The following RPS6KA6 variants were observed in gnomAD, a reference collection of about 807,000 sequenced individuals.
The protein encoded by RPS6KA6 is ribosomal protein S6 kinase A6, also known as ribosomal protein S6 kinase alpha-6.
Under a neutral mutation model 65.4 loss-of-function variants are expected in RPS6KA6, and 27 were observed. That is an observed-to-expected ratio of 0.41 (90% confidence interval 0.30 to 0.57). The LOEUF (loss-of-function observed/expected upper bound fraction) is 0.57. RPS6KA6 is among the 20% of genes least tolerant of loss of function. RPS6KA6 has a pLI of 0.24. For synonymous variants in RPS6KA6, 190 were observed against 184.2 expected (o/e 1.03, Z -0.26); for missense variants, 486 against 555.6 (o/e 0.87, Z 1.26).
chrX:84,107,767 T>C, intron 12 of RPS6KA6, 42 bp from the exon 13 acceptor site: 1 of 679,791 alleles, frequency 1.5e-6, no homozygotes, highest in Non-Finnish European at 2.3e-6. Context: ...ATTAAGACTT[T>C]AAAAATTATT....
intron 1 of RPS6KA6, among the ~76,000 whole-genome samples, chrX:84,176,828 A>C (rs1437547127): frequency 8.9e-6 from 1 of 111,980 alleles, no homozygotes; most frequent in Admixed American, 9.5e-5. Flanking sequence ...AAAAATTTAA[A>C]AACTAAAATG....
chrX:84,114,308 C>T (rs1430141740), intron 12 of RPS6KA6, among the ~76,000 whole-genome samples: 1 of 109,948 alleles, frequency 9.1e-6, no homozygotes. Flanking sequence ...GTCAACATAC[C>T]GAGACCTCAT....
Position 84,133,924 on chromosome X carries a change from T to C in RPS6KA6, c.646+858A>G, listed in dbSNP as rs191506493. ...TATTTATGTCAGCTTTTGAGGTAAC[T>C]GTTTGATATTTTATTTTTGCATTGA... On this transcript the variant is annotated intron_variant, in intron 8 of 21. Transcript: ENST00000262752. Among the ~76,000 whole-genome samples the C allele has an allele frequency of 6.5e-3, 730 of 112,345 alleles. 3 individuals are homozygous for C. The highest frequency in any genetic ancestry group is 0.023 in the African/African-American group (701 of 31,037).
At chrX:84,163,496 G>A (rs373923122) in intron 2 of RPS6KA6, among the ~76,000 whole-genome samples, 6 of 105,246 alleles carry the variant, frequency 5.7e-5, no homozygotes, top group Non-Finnish European at 1.2e-4. Flanking sequence ...AAAATTAGCC[G>A]GGCGCGGTGG....
chrX:84,075,471 T>G, intron 20 of RPS6KA6, among the ~76,000 whole-genome samples: 1 of 111,043 alleles, frequency 9.0e-6, no homozygotes, highest in Non-Finnish European at 1.9e-5. Context: ...AAAAGAATAT[T>G]TAAATAAATA....
In RPS6KA6 at chrX:84,156,142, C is replaced by T. The variant is rs772219282; in HGVS notation, c.191G>A (p.Gly64Asp). The T allele has an allele frequency of 3.3e-6, 4 of 1,195,335 alleles. No homozygotes were observed. The East Asian group carries it at 1.2e-4, about 35-fold the overall frequency. ...CTGTGCAGGATCTGCTTTCTCATAGCCTTCCTTAACATGATGAGTAATAGG... is the reference window on the plus strand; with the variant it reads ...CTGTGCAGGATCTGCTTTCTCATAGTCTTCCTTAACATGATGAGTAATAGG... ...EIPITHHVKE[G>D]YEKADPAQFE... The change falls in exon 3 of 22, where the codon GGC (glycine) becomes GAC (aspartate). Residue 64 changes from glycine to aspartate, a missense_variant. Around this residue, in one of 3 missense-constraint regions of RPS6KA6, gnomAD observed 106 missense variants for 105.0 expected, o/e 1.01. Coordinates refer to ENST00000262752, the MANE Select transcript of RPS6KA6 (RefSeq NM_014496.5).
chrX:84,178,927 T>C (rs906163005), intron 1 of RPS6KA6, among the ~76,000 whole-genome samples: 1 of 110,523 alleles, frequency 9.0e-6, no homozygotes, highest in African/African-American at 3.3e-5. Flanking sequence ...AAAAAACTGA[T>C]AAACTGGACT....
intron 15 of RPS6KA6, among the ~76,000 whole-genome samples, 155 bp from the exon 16 acceptor site, chrX:84,106,031 AAACTT>A (rs1168074627): frequency 1.8e-5 from 2 of 111,913 alleles, no homozygotes; most frequent in African/African-American, 6.5e-5. Flanking sequence ...CATAAGTAAA[AAACTT>A]AACAGAAAAA....
In RPS6KA6 at chrX:84,151,171, T is replaced by TATAGG. The variant is rs2035314296; in HGVS notation, c.259-3049_259-3048insCCTAT. Reference sequence around the variant, plus strand: ...TAGATATATATAGGATATATAGATATATATATAGCTATATAGGATATATAG... The same window carrying TATAGG: ...TAGATATATATAGGATATATAGATATATAGGATATATAGCTATATAGGATATATAG... On this transcript the variant is annotated intron_variant, in intron 3 of 21. Transcript: ENST00000262752. Among the ~76,000 whole-genome samples, 10 of 99,562 alleles carry TATAGG rather than the reference T, an allele frequency of 1.0e-4. No individual in the cohort carries two copies. In the South Asian group the frequency reaches 1.4e-3, roughly 13 times the overall value. 86.5% of individuals were successfully genotyped at this position (99,562 alleles called of 115,157 possible).
At chrX:84,127,575 C>A (rs1443816990) in intron 8 of RPS6KA6, among the ~76,000 whole-genome samples, 2 of 111,008 alleles carry the variant, frequency 1.8e-5, no homozygotes, top group African/African-American at 3.3e-5. Context: ...CAACAAGATA[C>A]TAGCAAATTG....
At chrX:84,064,443 T>C in intron 21 of RPS6KA6, 41 bp from the exon 22 acceptor site, 1 of 1,106,574 alleles carries the variant, frequency 9.0e-7, no homozygotes, top group Non-Finnish European at 1.2e-6. Context: ...GTACAAATTC[T>C]GGAGTTAAAA....
chrX:84,188,006 C>T lies in RPS6KA6; in HGVS notation c.-107G>A. On this transcript the variant is annotated 5_prime_UTR_variant, in exon 1 of 22. Coordinates refer to ENST00000262752, the MANE Select transcript of RPS6KA6 (RefSeq NM_014496.5). ...GCCGCCGCCGCCGCCGCCGCCGCCGCCGCGACCCCCAGCCCCGCCTTCAGC... is the reference window on the plus strand; with the variant it reads ...GCCGCCGCCGCCGCCGCCGCCGCCGTCGCGACCCCCAGCCCCGCCTTCAGC... 2 of 535,206 alleles carry T rather than the reference C, an allele frequency of 3.7e-6. No individual in the cohort carries two copies. The highest frequency in any genetic ancestry group is 4.9e-6 in the Non-Finnish European group (2 of 404,242). 44.1% of individuals were successfully genotyped at this position (535,206 alleles called of 1,213,427 possible).
chrX:84,153,458 T>G (rs985446050), intron 3 of RPS6KA6, among the ~76,000 whole-genome samples: 6 of 111,571 alleles, frequency 5.4e-5, no homozygotes, highest in African/African-American at 2.0e-4. Flanking sequence ...TTGGTGTGCT[T>G]AGGACAGAAT....
In RPS6KA6 at chrX:84,063,290, T is replaced by C. The variant is rs1168446537; in HGVS notation, c.*987A>G. The C allele has an allele frequency of 9.0e-6, 1 of 111,026 alleles. No homozygotes were observed. Among genetic ancestry groups the C allele is most frequent in the Non-Finnish European group, 1.9e-5 (1 of 52,901 alleles). 9.1% of individuals were successfully genotyped at this position (111,026 alleles called of 1,213,427 possible). A position where few individuals can be genotyped will look rare whatever the true frequency, so the allele number is the denominator to read the frequency against. On this transcript the variant is annotated 3_prime_UTR_variant, in exon 22 of 22. Coordinates refer to ENST00000262752, the MANE Select transcript of RPS6KA6 (RefSeq NM_014496.5). ...CCACTACAGCAAGATGTCAACTGTATTATCATAGGATTCAAGGTAGAATGA... is the reference window on the plus strand; with the variant it reads ...CCACTACAGCAAGATGTCAACTGTACTATCATAGGATTCAAGGTAGAATGA...
chrX:84,077,768 T>C (rs1019762602), intron 20 of RPS6KA6, among the ~76,000 whole-genome samples: 3 of 112,073 alleles, frequency 2.7e-5, no homozygotes, highest in Middle Eastern at 4.2e-3. Context: ...CTGGGAGCTG[T>C]GGCTGGCTGC....
At chrX:84,126,797 AATG>A (rs2034798477) in intron 8 of RPS6KA6, among the ~76,000 whole-genome samples, 1 of 111,279 alleles carries the variant, frequency 9.0e-6, no homozygotes, top group Non-Finnish European at 1.9e-5. Flanking sequence ...TCTTGAAATT[AATG>A]ATAATAGAAA....
At chrX:84,132,756 T>A (rs2034923267) in intron 8 of RPS6KA6, among the ~76,000 whole-genome samples, 1 of 109,646 alleles carries the variant, frequency 9.1e-6, no homozygotes, top group South Asian at 3.8e-4. Context: ...ATTCTACTGA[T>A]CTGTTATAAC....
At chrX:84,138,324 G>A (rs752745187) in intron 6 of RPS6KA6, among the ~76,000 whole-genome samples, 2 of 110,910 alleles carry the variant, frequency 1.8e-5, no homozygotes, top group South Asian at 7.7e-4. Flanking sequence ...AGGCCAACGC[G>A]TGAGGATCAC....
chrX:84,174,602 T>C (rs1018169437), intron 1 of RPS6KA6, among the ~76,000 whole-genome samples: 3 of 112,123 alleles, frequency 2.7e-5, no homozygotes, highest in Admixed American at 9.5e-5. Context: ...CAAAGTTAAA[T>C]ATGAATGATC....
Sources: allele counts gnomAD v4.1 joint callset (sites outside exome capture counted in the v4.1 genomes callset), GRCh38; gene constraint gnomAD v4.1.1; regional missense constraint gnomAD v4.1.1; transcripts MANE v1.5; gene names NCBI Gene and HGNC (gene_info 2026-07-23, HGNC 2026-07-21).